The following EDA variants were observed in gnomAD, a reference collection of about 807,000 sequenced individuals.
EDA encodes ectodysplasin A.
In EDA, 2 loss-of-function variants were observed where a neutral mutation model predicts 23.6. That is an observed-to-expected ratio of 0.08 (90% CI 0.03 to 0.27). The LOEUF is 0.27. Ranked by LOEUF, EDA falls within the 10% of genes least tolerant of loss-of-function variation. The pLI is 1.00. For synonymous variants in EDA, 131 were observed against 132.0 expected (o/e 0.99, Z 0.05); for missense variants, 229 against 324.2 (o/e 0.71, Z 2.26).
intron 1 of EDA, among the ~76,000 whole-genome samples, chrX:69,880,770 G>C (rs908153912): frequency 8.9e-6 from 1 of 111,842 alleles, no homozygotes; most frequent in African/African-American, 3.3e-5. Context: ...CACTTCGTTG[G>C]CTTCAAACAT....
intron 1 of EDA, among the ~76,000 whole-genome samples, chrX:69,944,792 T>C (rs1381164450): frequency 2.7e-5 from 3 of 111,931 alleles, no homozygotes; most frequent in Non-Finnish European, 3.8e-5. Flanking sequence ...TTAAAGTTTA[T>C]TTAGAACCCC....
chrX:69,935,920 T>C (rs1291927645), intron 1 of EDA, among the ~76,000 whole-genome samples: 1 of 109,130 alleles, frequency 9.2e-6, no homozygotes, highest in East Asian at 2.8e-4. Context: ...TATTCTCATA[T>C]ATTCTCAAGC....
At chrX:69,664,057 C>G (rs1268892778) in intron 1 of EDA, among the ~76,000 whole-genome samples, 1 of 111,900 alleles carries the variant, frequency 8.9e-6, no homozygotes, top group African/African-American at 3.2e-5. Context: ...TGCCTTGTGT[C>G]AAATGAGACT....
chrX:69,933,933 TTCTC>T (rs1477477663), intron 1 of EDA, among the ~76,000 whole-genome samples: 1 of 112,916 alleles, frequency 8.9e-6, no homozygotes, highest in African/African-American at 3.2e-5. Context: ...TCCTCCATTG[TTCTC>T]TCTAAGAGCC....
intron 1 of EDA, among the ~76,000 whole-genome samples, chrX:69,876,447 A>T (rs1018436786): frequency 7.2e-5 from 8 of 111,310 alleles, no homozygotes; most frequent in Non-Finnish European, 1.3e-4. Flanking sequence ...AAAAAATAAT[A>T]AAAAAAGAAT....
At chrX:69,995,479 A>C (rs1298920998) in intron 2 of EDA, among the ~76,000 whole-genome samples, 1 of 111,857 alleles carries the variant, frequency 8.9e-6, no homozygotes, top group Non-Finnish European at 1.9e-5. Flanking sequence ...ACCTGATGAG[A>C]ATCTCAATTG....
intron 1 of EDA, among the ~76,000 whole-genome samples, chrX:69,943,987 A>T (rs756019323): frequency 9.2e-6 from 1 of 109,223 alleles, no homozygotes. Flanking sequence ...CTGCCTGGCT[A>T]TTGCCAGTGT....
In EDA at chrX:70,039,364, A is replaced by G. The variant is rs1015254264; in HGVS notation, c.*3755A>G. The G allele has an allele frequency of 8.9e-6, 1 of 112,030 alleles. No homozygotes were observed. The allele number at this position is 112,030 out of a possible 1,213,427, so 9.2% of individuals were successfully genotyped here. On this transcript the variant is annotated 3_prime_UTR_variant, in exon 8 of 8. Coordinates refer to ENST00000374552, the MANE Select transcript of EDA (RefSeq NM_001399.5). ...TTTGGGGGTCAGCATCCAGTGTGAG[A>G]TACTGTGTATATAAACTATATATAA...
At chrX:69,653,168 A>G (rs774819500) in intron 1 of EDA, among the ~76,000 whole-genome samples, 1 of 111,653 alleles carries the variant, frequency 9.0e-6, no homozygotes, top group South Asian at 3.8e-4. Context: ...AGTGGCTGGT[A>G]GTTCTCCTTG....
intron 1 of EDA, among the ~76,000 whole-genome samples, chrX:69,734,132 T>A (rs188736763): frequency 4.5e-5 from 5 of 111,919 alleles, no homozygotes; most frequent in African/African-American, 1.6e-4. Context: ...TATGAGATTA[T>A]TCAGATTATC....
At chrX:69,666,685 G>A (rs1466218410) in intron 1 of EDA, among the ~76,000 whole-genome samples, 2 of 111,874 alleles carry the variant, frequency 1.8e-5, no homozygotes, top group African/African-American at 6.5e-5. Flanking sequence ...TGTATTGTTG[G>A]ATTTTGTTTC....
chrX:70,014,336 G>A lies in EDA; in HGVS notation c.503-8882G>A, dbSNP rs185109902. ...TCAACAACAAAAATACTTTGCTAGC[G>A]TACCCCCCGATAAAATCAAGGACAA... is the stretch of plus-strand genomic sequence containing the variant. On this transcript the variant is annotated intron_variant, in intron 2 of 7. Coordinates refer to ENST00000374552, the MANE Select transcript of EDA (RefSeq NM_001399.5). 1.1e-4 allele frequency among the ~76,000 whole-genome samples: 12 copies of A among 112,805 alleles called. No homozygotes were observed. The East Asian group carries it at 1.4e-3, about 13-fold the overall frequency.
At chrX:69,823,409 T>A (rs1263972894) in intron 1 of EDA, among the ~76,000 whole-genome samples, 5 of 89,214 alleles carry the variant, frequency 5.6e-5, no homozygotes, top group African/African-American at 9.3e-5. Context: ...TGAGATGGTA[T>A]GTCATTGTGG....
At chrX:69,882,471 AG>A (rs2017762156) in intron 1 of EDA, among the ~76,000 whole-genome samples, 1 of 111,862 alleles carries the variant, frequency 8.9e-6, no homozygotes, top group Non-Finnish European at 1.9e-5. Flanking sequence ...AGGAGTAAAC[AG>A]GGTCTAAGAA....
At chrX:69,681,359 A>T in intron 1 of EDA, among the ~76,000 whole-genome samples, 1 of 109,710 alleles carries the variant, frequency 9.1e-6, no homozygotes, top group Non-Finnish European at 1.9e-5. Context: ...CTGAATCTGA[A>T]CGTTGGCCTG....
intron 1 of EDA, among the ~76,000 whole-genome samples, chrX:69,770,853 T>A (rs1306039535): frequency 1.8e-5 from 2 of 111,366 alleles, no homozygotes; most frequent in African/African-American, 6.5e-5. Flanking sequence ...TTGTTTTAAA[T>A]TTTACACTTA....
chrX:69,839,835 C>T (rs1042685987), intron 1 of EDA, among the ~76,000 whole-genome samples: 1 of 112,095 alleles, frequency 8.9e-6, no homozygotes, highest in East Asian at 2.8e-4. Context: ...TTGGTCAAGA[C>T]CTCAAAACGA....
intron 1 of EDA, among the ~76,000 whole-genome samples, chrX:69,734,310 A>G (rs2013166652): frequency 9.0e-6 from 1 of 111,129 alleles, no homozygotes; most frequent in Admixed American, 9.6e-5. Flanking sequence ...TGGTATAGAT[A>G]ATTTGTGTCT....
intron 1 of EDA, among the ~76,000 whole-genome samples, chrX:69,638,011 T>C (rs1932798244): frequency 9.0e-6 from 1 of 111,282 alleles, no homozygotes; most frequent in Non-Finnish European, 1.9e-5. Flanking sequence ...TTCTGTCACA[T>C]TTCCAATATT....
Sources: gnomAD v4.1 joint callset for allele counts (sites outside exome capture counted in the v4.1 genomes callset) on GRCh38, gnomAD v4.1.1 for gene constraint, MANE v1.5 for transcripts, NCBI Gene and HGNC (gene_info 2026-07-23, HGNC 2026-07-21) for gene names.